Variants in AGK observed in about 807,000 individuals in gnomAD.
AGK encodes the protein acylglycerol kinase, mitochondrial.
In AGK, 52 loss-of-function variants were observed where a neutral mutation model predicts 66.4. That is an observed-to-expected ratio of 0.78 (90% CI 0.63 to 0.99). AGK has a LOEUF of 0.99. Among genes scored for constraint, AGK ranks in the 50% least tolerant of loss-of-function variants. The pLI, the probability that AGK is intolerant of heterozygous loss-of-function variation, is 0.00. For missense variants in AGK, 451 were observed against 506.6 expected, an observed-to-expected ratio of 0.89 and a Z score of 1.05; for synonymous variants, 182 against 181.1, an observed-to-expected ratio of 1.00 and a Z score of -0.04.
In AGK at chr7:141,585,666, A is replaced by G. The variant is rs145008774; in HGVS notation, c.102-7480A>G. On this transcript the variant is annotated intron_variant, in intron 2 of 15. Transcript: ENST00000649286. ...CTCTCCATGTAAAGTTGCTATTGGA[A>G]TAACAACTTGTCTTATTTTACAGTC... 5.1e-3 allele frequency among the ~76,000 whole-genome samples: 779 copies of G among 152,332 alleles called. 5 individuals carry two copies. Among genetic ancestry groups the G allele is most frequent in the Middle Eastern group, 0.01 (3 of 294 alleles).
chr7:141,612,428 A>AT (rs964709274), intron 6 of AGK, among the ~76,000 whole-genome samples: 1 of 152,188 alleles, frequency 6.6e-6, no homozygotes, highest in Non-Finnish European at 1.5e-5. Context: ...TTTAACACAA[A>AT]TTTTTTGTGT....
At chr7:141,623,182 C>T (rs1796861260) in intron 9 of AGK, among the ~76,000 whole-genome samples, 1 of 151,848 alleles carries the variant, frequency 6.6e-6, no homozygotes, top group Non-Finnish European at 1.5e-5. Context: ...GAGTTTGAGA[C>T]CGGCCTGACC....
chr7:141,593,975 C>T (rs934761796), intron 3 of AGK: 5 of 152,658 alleles, frequency 3.3e-5, no homozygotes, highest in Admixed American at 3.3e-4. Flanking sequence ...TAAATTAATT[C>T]CTCTCTTTAG....
chr7:141,648,542 C>A (rs1304330401), intron 13 of AGK, among the ~76,000 whole-genome samples: 2 of 152,160 alleles, frequency 1.3e-5, no homozygotes, highest in Admixed American at 1.3e-4. Context: ...ACATTTTGAA[C>A]CTACCCCAAA....
intron 1 of AGK, 100 bp downstream of exon 1, chr7:141,551,534 G>GGAGCCTCTGGAGTCGCGCTGGGCC (rs1222045811): frequency 6.5e-6 from 1 of 152,778 alleles, no homozygotes; most frequent in African/African-American, 2.4e-5. Context: ...GGCGCTGGGC[G>GGAGCCTCTGGAGTCGCGCTGGGCC]GAGCCTCTGG....
chr7:141,631,830 C>T (rs778276247), intron 9 of AGK, among the ~76,000 whole-genome samples: 1 of 152,216 alleles, frequency 6.6e-6, no homozygotes, highest in Non-Finnish European at 1.5e-5. Flanking sequence ...AGGCCAAACA[C>T]AGTCCAGTCC....
In AGK at chr7:141,652,841, G is replaced by C; in HGVS notation, c.1186G>C (p.Glu396Gln). 1 of 1,614,074 alleles carries C rather than the reference G, an allele frequency of 6.2e-7. No individual in the cohort carries two copies. The highest frequency in any genetic ancestry group is 8.5e-7 in the Non-Finnish European group (1 of 1,180,018). ...TGAGGAGTATGAAGCGATGCCTGTG[G>C]AGGTGAAACTGCTCCCCAGGAAGCT... Reference protein sequence around the residue: ...DSEEYEAMPVEVKLLPRKLQF... With the variant: ...DSEEYEAMPVQVKLLPRKLQF... Residue 396 changes from glutamate (E) to glutamine (Q), a missense_variant, in exon 16 of 16, where the codon GAG (glutamate) becomes CAG (glutamine). Coordinates refer to ENST00000649286, the MANE Select transcript of AGK (RefSeq NM_018238.4).
At chr7:141,551,934 G>T (rs1795098849) in intron 1 of AGK, among the ~76,000 whole-genome samples, 1 of 152,178 alleles carries the variant, frequency 6.6e-6, no homozygotes, top group Non-Finnish European at 1.5e-5. Context: ...CTCCACAGGC[G>T]TGTCAAATTC....
intron 5 of AGK, 57 bp from the exon 6 acceptor site, chr7:141,611,138 C>A (rs1796578194): frequency 1.7e-6 from 2 of 1,191,468 alleles, no homozygotes; most frequent in Admixed American, 2.0e-5. Context: ...ATTTTTAAAC[C>A]TTTAACCTTG....
At chr7:141,633,803 G>A in intron 9 of AGK, 98 bp from the exon 10 acceptor site, 1 of 1,070,174 alleles carries the variant, frequency 9.3e-7, no homozygotes, top group South Asian at 1.3e-5. Context: ...ATTTTGGTTT[G>A]ATGAAAAGTA....
chr7:141,616,875 C>T (rs1796716140), intron 8 of AGK, among the ~76,000 whole-genome samples: 1 of 151,746 alleles, frequency 6.6e-6, no homozygotes, highest in Admixed American at 6.6e-5. Context: ...TCTCTTGCCT[C>T]AGCCTCCGAG....
intron 14 of AGK, among the ~76,000 whole-genome samples, chr7:141,651,170 C>T (rs144097499): frequency 8.5e-4 from 129 of 152,230 alleles, no homozygotes; most frequent in African/African-American, 3.0e-3. Flanking sequence ...AAATACCAGA[C>T]GTTTAGTACT....
chr7:141,581,521 G>A (rs903466112), intron 2 of AGK, among the ~76,000 whole-genome samples: 5 of 151,938 alleles, frequency 3.3e-5, no homozygotes, highest in African/African-American at 1.2e-4. Flanking sequence ...GCTGTAACAG[G>A]CAAGTAATAA....
chr7:141,621,070 G>C (rs957845816), intron 8 of AGK, among the ~76,000 whole-genome samples: 2 of 152,164 alleles, frequency 1.3e-5, no homozygotes, highest in African/African-American at 4.8e-5. Context: ...GCTCATTAAA[G>C]CCTGAGACCT....
Position 141,610,325 on chromosome 7 carries a change from A to G in AGK, c.298-870A>G, listed in dbSNP as rs1017078924. Among the ~76,000 whole-genome samples the G allele has an allele frequency of 2.0e-5, 3 of 152,254 alleles. No individual in the cohort carries two copies. The Middle Eastern group carries it at 0.01, about 518-fold the overall frequency. Reference sequence around the variant, plus strand: ...GCTTAAGCCCATCTGAAATCCAGACATTTAATTTTTGTCTATTAGTATGTA... The same window carrying G: ...GCTTAAGCCCATCTGAAATCCAGACGTTTAATTTTTGTCTATTAGTATGTA... On this transcript the variant is annotated intron_variant, in intron 5 of 15. Transcript: ENST00000649286.
chr7:141,580,459 G>C (rs1370236031), intron 2 of AGK, among the ~76,000 whole-genome samples: 2 of 151,988 alleles, frequency 1.3e-5, no homozygotes, highest in African/African-American at 4.8e-5. Context: ...ACAGTCATGG[G>C]GGTCAGGTGT....
chr7:141,587,508 C>T (rs1796017951), intron 2 of AGK, among the ~76,000 whole-genome samples: 1 of 152,174 alleles, frequency 6.6e-6, no homozygotes, highest in African/African-American at 2.4e-5. Flanking sequence ...TTTACTGGCT[C>T]CTCCCACAGC....
rs1056956335 is a variant in AGK at position 141,653,023 on chromosome 7, C to T, written c.*99C>T. The T allele has an allele frequency of 6.8e-6, 10 of 1,463,860 alleles. No homozygotes were observed. The highest frequency in any genetic ancestry group is 9.3e-6 in the Non-Finnish European group (10 of 1,075,676). The allele number at this position is 1,463,860 out of a possible 1,614,324, so 90.7% of individuals were successfully genotyped here. The stretch of plus-strand genomic sequence containing the variant: ...CATCCCAACAGTGTCGTCAGAGGGT[C>T]CCCAGGGCATTTTCATGGCAAGTAC... On this transcript the variant is annotated 3_prime_UTR_variant, in exon 16 of 16. Transcript: ENST00000649286.
chr7:141,649,242 T>G, intron 13 of AGK, 21 bp from the exon 14 acceptor site: 3 of 1,580,910 alleles, frequency 1.9e-6, no homozygotes, highest in Non-Finnish European at 2.6e-6. Context: ...GTAATGACGT[T>G]AGTGTTCTTA....
Sources: gnomAD v4.1 joint callset for allele counts (sites outside exome capture counted in the v4.1 genomes callset) on GRCh38, gnomAD v4.1.1 for gene constraint, MANE v1.5 for transcripts, NCBI Gene and HGNC (gene_info 2026-07-23, HGNC 2026-07-21) for gene names.